Variants in ZFHX3 observed in about 807,000 individuals in gnomAD.
The protein encoded by ZFHX3 is zinc finger homeobox protein 3.
Under a neutral mutation model 279.1 loss-of-function variants are expected in ZFHX3, and 42 were observed. The observed-to-expected ratio is 0.15, with a 90% CI of 0.12 to 0.19. The LOEUF is 0.19. Among genes scored for constraint, ZFHX3 ranks in the 10% least tolerant of loss-of-function variants. The pLI is 1.00. For synonymous variants in ZFHX3, 2,293 were observed against 1,957.8 expected, an observed-to-expected ratio of 1.17 and a Z score of -4.52; for missense variants, 4,981 against 4,754.0, an observed-to-expected ratio of 1.05 and a Z score of -1.40.
At chr16:73,250,788 G>T (rs752780623) in intron 5 of ZFHX3, among the ~76,000 whole-genome samples, 8 of 152,190 alleles carry the variant, frequency 5.3e-5, no homozygotes, top group Non-Finnish European at 8.8e-5. Flanking sequence ...CCCGCCTCAG[G>T]CTCCCAAAGT....
intron 2 of ZFHX3, among the ~76,000 whole-genome samples, chr16:73,479,210 T>G (rs1382586283): frequency 6.6e-6 from 1 of 152,036 alleles, no homozygotes; most frequent in African/African-American, 2.4e-5. Flanking sequence ...TTCAGAAAAA[T>G]AAGTGTTGCT....
Position 73,373,280 on chromosome 16 carries a change from C to A in ZFHX3, c.-1290-54944G>T, listed in dbSNP as rs552411482. 1.2e-4 allele frequency among the ~76,000 whole-genome samples: 18 copies of A among 152,292 alleles called. No homozygotes were observed. In the South Asian group the frequency reaches 2.1e-3, roughly 18 times the overall value. On this transcript the variant is annotated intron_variant, in intron 3 of 17. Transcript: ENST00000641206. ...CCTTTGGCCGAATTGTGCTATGTTTCATGAAGCATCGCTCTCAGGTCAGGA... is the reference window on the plus strand; with the variant it reads ...CCTTTGGCCGAATTGTGCTATGTTTAATGAAGCATCGCTCTCAGGTCAGGA...
At position 73,524,758 on chromosome 16, in the gene ZFHX3, G is replaced by C. The variant is rs75600289; in HGVS notation, c.-1546-68500C>G. Among the ~76,000 whole-genome samples, 1,059 of 152,326 alleles carry C rather than the reference G, an allele frequency of 7.0e-3. 14 individuals are homozygous for C. Among genetic ancestry groups the C allele is most frequent in the African/African-American group, 0.019 (784 of 41,574 alleles). Reference sequence around the variant, plus strand: ...GACTCTTATTAGGGTTAGTGTGCAAGTGGTCAGCTGGTATTCTGCTCTTCT... The same window carrying C: ...GACTCTTATTAGGGTTAGTGTGCAACTGGTCAGCTGGTATTCTGCTCTTCT... On this transcript the variant is annotated intron_variant, in intron 2 of 17. Transcript: ENST00000641206.
chr16:72,953,279 G>C (rs1597007952), intron 2 of ZFHX3, among the ~76,000 whole-genome samples: 1 of 132,670 alleles, frequency 7.5e-6, no homozygotes, highest in African/African-American at 2.9e-5. Flanking sequence ...GGATAAGAAA[G>C]AAAAACAGAA....
At chr16:73,728,194 A>T (rs1423227316) in intron 1 of ZFHX3, among the ~76,000 whole-genome samples, 1 of 151,640 alleles carries the variant, frequency 6.6e-6, no homozygotes, top group East Asian at 1.9e-4. Context: ...GGATTTCTCG[A>T]GAGAGAGAGA....
chr16:73,888,574 A>G (rs2030425877), intron 1 of ZFHX3, among the ~76,000 whole-genome samples: 1 of 152,238 alleles, frequency 6.6e-6, no homozygotes, highest in Non-Finnish European at 1.5e-5. Flanking sequence ...CAGAGAAAAT[A>G]TCAGCTAAAA....
intron 1 of ZFHX3, among the ~76,000 whole-genome samples, chr16:73,709,231 G>A (rs1339837409): frequency 1.3e-5 from 2 of 152,000 alleles, no homozygotes; most frequent in African/African-American, 2.4e-5. Context: ...CAGGCCTAGT[G>A]GGGTGCACCT....
At position 72,881,905 on chromosome 16, in the gene ZFHX3, C is replaced by T. The variant is rs1452807640; in HGVS notation, c.3448+7826G>A. Among the ~76,000 whole-genome samples, 3 of 152,292 alleles carry T rather than the reference C, an allele frequency of 2.0e-5. No homozygotes were observed. In the South Asian group the frequency reaches 6.2e-4, roughly 32 times the overall value. ...ACTTTAGGGTGGAGTTTCAGATTTT[C>T]AAGTTTCTTGGATACACCTTTCGAA... On this transcript the variant is annotated intron_variant, in intron 4 of 9. Coordinates refer to ENST00000268489, the MANE Select transcript of ZFHX3 (RefSeq NM_006885.4).
chr16:73,473,755 C>A (rs1190173615), intron 2 of ZFHX3, among the ~76,000 whole-genome samples: 3 of 152,224 alleles, frequency 2.0e-5, no homozygotes. Context: ...ACAAATTGAA[C>A]TGGTTTTCCC....
intron 1 of ZFHX3, among the ~76,000 whole-genome samples, chr16:73,735,963 C>A (rs1390729072): frequency 6.6e-6 from 1 of 150,788 alleles, no homozygotes; most frequent in African/African-American, 2.5e-5. Flanking sequence ...GACATGGTGA[C>A]AGCTCATACA....
intron 2 of ZFHX3, among the ~76,000 whole-genome samples, chr16:73,481,232 G>A (rs2018859149): frequency 6.6e-6 from 1 of 151,878 alleles, no homozygotes; most frequent in South Asian, 2.1e-4. Flanking sequence ...GGAAGGCTGA[G>A]ACAGGAGAAT....
At chr16:72,944,974 A>G (rs1960594308) in intron 3 of ZFHX3, among the ~76,000 whole-genome samples, 1 of 152,184 alleles carries the variant, frequency 6.6e-6, no homozygotes, top group South Asian at 2.1e-4. Flanking sequence ...CAATAGGCAC[A>G]ACTAATAAGA....
At chr16:73,138,368 A>G (rs1310716974) in intron 6 of ZFHX3, among the ~76,000 whole-genome samples, 8 of 152,166 alleles carry the variant, frequency 5.3e-5, no homozygotes, top group Non-Finnish European at 1.0e-4. Context: ...AATCCATTCA[A>G]GAGGAGATGG....
At chr16:73,400,962 G>A (rs942502256) in intron 3 of ZFHX3, 1 of 152,212 alleles carries the variant, frequency 6.6e-6, no homozygotes, top group Non-Finnish European at 1.5e-5. Context: ...TCACCTCCGA[G>A]TAATTCTGGG....
intron 1 of ZFHX3, among the ~76,000 whole-genome samples, chr16:73,719,912 C>A (rs1341468773): frequency 1.3e-5 from 2 of 151,670 alleles, no homozygotes; most frequent in African/African-American, 4.8e-5. Context: ...TCATTTAATT[C>A]TTCAAACAAC....
At chr16:72,921,069 C>CAAAAAAAAAAAAAAAAA (rs57294537) in intron 3 of ZFHX3, among the ~76,000 whole-genome samples, 1 of 23,572 alleles carries the variant, frequency 4.2e-5, no homozygotes, top group African/African-American at 1.4e-4. Context: ...CAGACCTTGT[C>CAAAAAAAAAAAAAAAAA]AAAAAAAAAA....
intron 3 of ZFHX3, among the ~76,000 whole-genome samples, chr16:73,399,825 A>T (rs527653713): frequency 4.5e-5 from 5 of 110,120 alleles, no homozygotes; most frequent in South Asian, 3.2e-4. Flanking sequence ...TGGTGTGTGG[A>T]GTGTGGTGTG....
chr16:73,855,130 A>C (rs757171130), intron 1 of ZFHX3, among the ~76,000 whole-genome samples: 3 of 152,184 alleles, frequency 2.0e-5, no homozygotes, highest in Non-Finnish European at 2.9e-5. Flanking sequence ...AGAAGGAAAA[A>C]TAGCAATTGC....
intron 3 of ZFHX3, among the ~76,000 whole-genome samples, chr16:73,374,155 G>A (rs1156911578): frequency 2.0e-5 from 3 of 152,174 alleles, no homozygotes; most frequent in Non-Finnish European, 2.9e-5. Context: ...CAGGAAAAAC[G>A]TGAAGCAAAA....
Sources: gnomAD v4.1 joint callset for allele counts (sites outside exome capture counted in the v4.1 genomes callset) on GRCh38, gnomAD v4.1.1 for gene constraint, MANE v1.5 for transcripts, NCBI Gene and HGNC (gene_info 2026-07-23, HGNC 2026-07-21) for gene names.